The following FSTL5 variants were observed in gnomAD, a reference collection of about 807,000 sequenced individuals.
FSTL5 encodes the protein follistatin-related protein 5.
A neutral mutation model predicts 89.1 loss-of-function variants in FSTL5; 62 were observed. The observed-to-expected ratio is 0.70, with a 90% CI of 0.57 to 0.86. FSTL5 has a LOEUF of 0.86. Ranked by LOEUF, FSTL5 falls within the 40% of genes least tolerant of loss-of-function variation. The probability of loss-of-function intolerance (pLI) is 0.00; values close to 1 mark genes in which losing one functional copy is unlikely to be tolerated. For synonymous variants in FSTL5, 383 were observed against 346.2 expected, an observed-to-expected ratio of 1.11 and a Z score of -1.18; for missense variants, 1,057 against 1,001.6, an observed-to-expected ratio of 1.06 and a Z score of -0.75.
intron 4 of FSTL5, among the ~76,000 whole-genome samples, chr4:161,866,200 G>C (rs1732081886): frequency 6.6e-6 from 1 of 152,140 alleles, no homozygotes; most frequent in Non-Finnish European, 1.5e-5. Flanking sequence ...GATTTAGGCA[G>C]TTTTTATGAA....
intron 4 of FSTL5, among the ~76,000 whole-genome samples, chr4:161,865,912 C>G (rs984845735): frequency 6.6e-6 from 1 of 152,134 alleles, no homozygotes; most frequent in African/African-American, 2.4e-5. Context: ...TTTTTCCTAG[C>G]CAGCTATGTC....
At position 162,001,161 on chromosome 4, in the gene FSTL5, A is replaced by T. The variant is rs1024660372; in HGVS notation, c.160+32464T>A. Among the ~76,000 whole-genome samples, 4 of 152,200 alleles carry T rather than the reference A, an allele frequency of 2.6e-5. 1 individual carries two copies. In the South Asian group the frequency reaches 8.3e-4, roughly 31 times the overall value. On this transcript the variant is annotated intron_variant, in intron 3 of 15. Coordinates refer to ENST00000306100, the MANE Select transcript of FSTL5 (RefSeq NM_020116.5). ...ATACCGTTTAGTTTCATAATCACAA[A>T]TAAGAATTAGCAGCTACCAGCTATA... is the stretch of plus-strand genomic sequence containing the variant.
chr4:161,796,676 A>T (rs573197081), intron 4 of FSTL5, among the ~76,000 whole-genome samples: 1 of 151,704 alleles, frequency 6.6e-6, no homozygotes, highest in Non-Finnish European at 1.5e-5. Context: ...TTTTTCTATT[A>T]ACCAGTTCGA....
At chr4:161,763,596 C>T (rs1391390398) in intron 5 of FSTL5, among the ~76,000 whole-genome samples, 1 of 152,160 alleles carries the variant, frequency 6.6e-6, no homozygotes, top group Non-Finnish European at 1.5e-5. Context: ...TATTTACTCT[C>T]TTTGGTGGAG....
chr4:161,753,158 A>G (rs576896777), intron 6 of FSTL5, among the ~76,000 whole-genome samples: 1 of 152,278 alleles, frequency 6.6e-6, no homozygotes, highest in Admixed American at 6.5e-5. Context: ...GTTTCTACCT[A>G]CATATTCCCT....
intron 4 of FSTL5, among the ~76,000 whole-genome samples, chr4:161,821,445 A>T (rs971172761): frequency 6.6e-6 from 1 of 152,120 alleles, no homozygotes; most frequent in African/African-American, 2.4e-5. Flanking sequence ...TTAAATTTCC[A>T]TAGGTTTTTG....
At chr4:162,017,125 C>T (rs1560972011) in intron 3 of FSTL5, among the ~76,000 whole-genome samples, 1 of 152,160 alleles carries the variant, frequency 6.6e-6, no homozygotes, top group Non-Finnish European at 1.5e-5. Context: ...CCCTTAGAGT[C>T]AGTCTTTGCA....
intron 7 of FSTL5, among the ~76,000 whole-genome samples, chr4:161,635,083 T>A (rs1320275473): frequency 6.6e-6 from 1 of 152,222 alleles, no homozygotes; most frequent in Non-Finnish European, 1.5e-5. Context: ...TCAGTTTGAT[T>A]TTCTCCTAAA....
intron 5 of FSTL5, among the ~76,000 whole-genome samples, chr4:161,760,753 C>A (rs780590284): frequency 1.3e-5 from 2 of 152,230 alleles, no homozygotes; most frequent in Non-Finnish European, 2.9e-5. Flanking sequence ...ATTATCATTT[C>A]TTTTGGTGGA....
intron 6 of FSTL5, among the ~76,000 whole-genome samples, chr4:161,751,991 T>C (rs1740408511): frequency 6.6e-6 from 1 of 152,184 alleles, no homozygotes; most frequent in Non-Finnish European, 1.5e-5. Flanking sequence ...CAAGGTAAGC[T>C]TAGAATTATC....
chr4:161,571,372 A>G (rs1222929125), intron 8 of FSTL5, among the ~76,000 whole-genome samples: 1 of 152,110 alleles, frequency 6.6e-6, no homozygotes, highest in African/African-American at 2.4e-5. Context: ...AATACATGGG[A>G]ACAAAAATGT....
At chr4:162,008,295 A>C (rs1736668355) in intron 3 of FSTL5, among the ~76,000 whole-genome samples, 1 of 151,826 alleles carries the variant, frequency 6.6e-6, no homozygotes, top group South Asian at 2.1e-4. Flanking sequence ...TATAGTTATA[A>C]TAATAGTTCA....
chr4:161,494,185 C>G (rs573414634), intron 12 of FSTL5, among the ~76,000 whole-genome samples: 4 of 152,018 alleles, frequency 2.6e-5, no homozygotes, highest in African/African-American at 9.7e-5. Flanking sequence ...GGGAATAAAG[C>G]TCACATTTTT....
intron 6 of FSTL5, among the ~76,000 whole-genome samples, chr4:161,747,815 C>T (rs1395212227): frequency 2.6e-5 from 4 of 152,134 alleles, no homozygotes; most frequent in African/African-American, 4.8e-5. Flanking sequence ...AGTGTACACA[C>T]TTTGTTTCTA....
At chr4:161,583,967 A>G (rs1355119431) in intron 8 of FSTL5, among the ~76,000 whole-genome samples, 2 of 152,044 alleles carry the variant, frequency 1.3e-5, no homozygotes, top group African/African-American at 4.8e-5. Flanking sequence ...AACTTATTTA[A>G]CTTCTTCTCT....
intron 10 of FSTL5, among the ~76,000 whole-genome samples, chr4:161,526,221 A>G (rs1315756965): frequency 6.6e-6 from 1 of 152,198 alleles, no homozygotes; most frequent in African/African-American, 2.4e-5. Flanking sequence ...TATATTATAC[A>G]CACACAGAAT....
chr4:161,441,939 A>C (rs999623598), intron 15 of FSTL5, among the ~76,000 whole-genome samples: 7 of 152,088 alleles, frequency 4.6e-5, no homozygotes, highest in Non-Finnish European at 8.8e-5. Flanking sequence ...CGCTAACATA[A>C]GTGAAACTTA....
intron 15 of FSTL5, among the ~76,000 whole-genome samples, chr4:161,439,833 T>C (rs1732698499): frequency 6.6e-6 from 1 of 152,192 alleles, no homozygotes; most frequent in South Asian, 2.1e-4. Flanking sequence ...TTAAGTTATA[T>C]AGACATCAAG....
chr4:161,631,165 G>A (rs993802063), intron 7 of FSTL5, among the ~76,000 whole-genome samples: 3 of 152,164 alleles, frequency 2.0e-5, no homozygotes, highest in African/African-American at 7.2e-5. Flanking sequence ...TCTATGCCCT[G>A]AGAATAATAT....
Sources: gnomAD v4.1 joint callset for allele counts (sites outside exome capture counted in the v4.1 genomes callset) on GRCh38, gnomAD v4.1.1 for gene constraint, MANE v1.5 for transcripts, NCBI Gene and HGNC (gene_info 2026-07-23, HGNC 2026-07-21) for gene names.